INPP5B: variants seen among roughly 807,000 people sequenced by gnomAD.
INPP5B encodes inositol polyphosphate-5-phosphatase B.
In INPP5B, 90 loss-of-function variants were observed where a neutral mutation model predicts 118.5. The observed-to-expected ratio is 0.76, with a 90% CI of 0.64 to 0.90. The LOEUF (loss-of-function observed/expected upper bound fraction) is 0.90. Among genes scored for constraint, INPP5B ranks in the 40% least tolerant of loss-of-function variants. INPP5B has a pLI of 0.00. For synonymous variants in INPP5B, 385 were observed against 418.9 expected, an observed-to-expected ratio of 0.92 and a Z score of 0.99; for missense variants, 984 against 1,125.6, an observed-to-expected ratio of 0.87 and a Z score of 1.80.
chr1:37,905,526 T>C (rs1444497665), intron 7 of INPP5B, among the ~76,000 whole-genome samples: 1 of 152,264 alleles, frequency 6.6e-6, no homozygotes, highest in Non-Finnish European at 1.5e-5. Context: ...TTATGTAAAA[T>C]TGTTACATGC....
chr1:37,941,659 C>T (rs957527371), intron 5 of INPP5B, among the ~76,000 whole-genome samples: 7 of 150,556 alleles, frequency 4.6e-5, no homozygotes, highest in African/African-American at 1.7e-4. Flanking sequence ...AAATAAAGGG[C>T]CGGGCGCGGT....
chr1:37,936,209 C>T (rs1404790814), intron 6 of INPP5B, among the ~76,000 whole-genome samples: 1 of 152,210 alleles, frequency 6.6e-6, no homozygotes, highest in Non-Finnish European at 1.5e-5. Flanking sequence ...ACACCCTCCT[C>T]TTCCCCCAAG....
chr1:37,873,012 C>G lies in INPP5B; in HGVS notation c.2105G>C (p.Ser702Thr). The change falls in exon 19 of 24, where the codon AGC (serine) becomes ACC (threonine). Residue 702 changes from serine to threonine, a missense_variant. Physicochemically the swap from Ser to Thr is moderately conservative, Grantham distance 58. Coordinates refer to ENST00000373024, the MANE Select transcript of INPP5B (RefSeq NM_005540.3). ...FLSVSGNYLP[S>T]CFGSPIHTLC... ...TGTATGAATGGGAGACCCAAAACAG[C>G]TGGGCAGGTAGTTCCCAGACACAGA... 1.2e-6 allele frequency: 2 copies of G among 1,614,154 alleles called. No homozygotes were observed. Among genetic ancestry groups the G allele is most frequent in the Non-Finnish European group, 1.7e-6 (2 of 1,180,036 alleles).
chr1:37,940,869 G>T, intron 5 of INPP5B, 71 bp from the exon 6 acceptor site: 1 of 1,075,100 alleles, frequency 9.3e-7, no homozygotes, highest in Non-Finnish European at 1.4e-6. Flanking sequence ...CTAAGCCTGA[G>T]AATGGAGAAT....
intron 7 of INPP5B, among the ~76,000 whole-genome samples, chr1:37,893,977 G>A (rs1473383661): frequency 1.3e-5 from 2 of 152,160 alleles, no homozygotes; most frequent in African/African-American, 2.4e-5. Context: ...AATATCCTAG[G>A]CTTTGCAGGT....
In INPP5B at chr1:37,873,056, C is replaced by T. The variant is rs201145138; in HGVS notation, c.2061G>A (p.Arg687=). ...IEDILVLHLD[R]GKDYFLSVSG... Reference sequence around the variant, plus strand: ...ACACAGACAAAAAGTAATCCTTTCCCCTGTCCAAGTGCAGAACCAGAATGT... The same window carrying T: ...ACACAGACAAAAAGTAATCCTTTCCTCTGTCCAAGTGCAGAACCAGAATGT... The change falls in exon 19 of 24, where the codon AGG becomes AGA. Residue 687 remains arginine, a synonymous_variant. Coordinates refer to ENST00000373024, the MANE Select transcript of INPP5B (RefSeq NM_005540.3). 1.2e-6 allele frequency: 2 copies of T among 1,614,162 alleles called. No homozygotes were observed. Among genetic ancestry groups the T allele is most frequent in the African/African-American group, 1.3e-5 (1 of 75,042 alleles).
chr1:37,902,982 C>CAA (rs199834282), intron 7 of INPP5B, among the ~76,000 whole-genome samples: 6 of 135,324 alleles, frequency 4.4e-5, no homozygotes, highest in South Asian at 4.8e-4. Flanking sequence ...GACCCTGTCT[C>CAA]AAAAAAAAAA....
At chr1:37,931,675 G>A (rs1334102730) in intron 7 of INPP5B, 1 of 1,524,496 alleles carries the variant, frequency 6.6e-7, no homozygotes, top group South Asian at 1.2e-5. Flanking sequence ...CGCCGAACCT[G>A]CAGTGTTGCG....
intron 6 of INPP5B, among the ~76,000 whole-genome samples, chr1:37,934,576 A>G (rs563062894): frequency 1.3e-5 from 2 of 152,250 alleles, no homozygotes; most frequent in South Asian, 4.2e-4. Context: ...CCTCTAGTAA[A>G]ATGAAAGAGT....
rs1468341623 is a variant in INPP5B at position 37,867,988 on chromosome 1, T to A, written c.2301+513A>T. On this transcript the variant is annotated intron_variant, in intron 20 of 23. Coordinates refer to ENST00000373024, the MANE Select transcript of INPP5B (RefSeq NM_005540.3). Reference sequence around the variant, plus strand: ...AGGAACATGCTATGCTGTGCTGGGATGGGCTTCCTATGCAACGCTGCTTCC... The same window carrying A: ...AGGAACATGCTATGCTGTGCTGGGAAGGGCTTCCTATGCAACGCTGCTTCC... Among the ~76,000 whole-genome samples the A allele has an allele frequency of 3.9e-5, 6 of 152,286 alleles. No homozygotes were observed. In the East Asian group the frequency reaches 1.2e-3, roughly 29 times the overall value.
intron 7 of INPP5B, among the ~76,000 whole-genome samples, chr1:37,911,676 C>T (rs1431616633): frequency 5.3e-5 from 8 of 152,174 alleles, no homozygotes; most frequent in Non-Finnish European, 1.0e-4. Context: ...CTAAATATGC[C>T]TTCCATATCC....
chr1:37,919,804 G>C (rs750915885), intron 7 of INPP5B, among the ~76,000 whole-genome samples: 1 of 152,006 alleles, frequency 6.6e-6, no homozygotes, highest in Non-Finnish European at 1.5e-5. Flanking sequence ...TTAGCCAGGC[G>C]TGGTGGCAGG....
intron 5 of INPP5B, among the ~76,000 whole-genome samples, chr1:37,943,407 G>A (rs954416699): frequency 7.2e-5 from 11 of 152,128 alleles, no homozygotes; most frequent in Non-Finnish European, 1.3e-4. Context: ...GGAGAGGACA[G>A]CGTGTGCAGG....
chr1:37,897,714 A>G (rs1480317549), intron 7 of INPP5B, among the ~76,000 whole-genome samples: 5 of 151,956 alleles, frequency 3.3e-5, no homozygotes, highest in African/African-American at 9.7e-5. Context: ...TGCGAGAAAC[A>G]CCCAAGAATG....
Position 37,888,292 on chromosome 1 carries a change from G to A in INPP5B, c.850C>T (p.Arg284Trp), listed in dbSNP as rs746454046. ...VNGQSPKECL[R>W]LWLSNGIQAP... ...TGGATACCATTGCTCAGCCACAGCC[G>A]GAGGCATTCTTTGGGGGACTGCCCA... The change falls in exon 10 of 24, where the codon CGG (arginine) becomes TGG (tryptophan). Residue 284 changes from arginine (R) to tryptophan (W), a missense_variant. By Grantham distance (101) the Arg-to-Trp change is moderately radical. Around this residue, in one of 2 missense-constraint regions of INPP5B, gnomAD observed 634 missense variants for 791.0 expected, o/e 0.80. Transcript: ENST00000373024. The A allele has an allele frequency of 2.3e-5, 36 of 1,577,952 alleles. No homozygotes were observed. The East Asian group carries it at 4.5e-4, about 20-fold the overall frequency.
intron 6 of INPP5B, among the ~76,000 whole-genome samples, chr1:37,937,127 A>G (rs895083503): frequency 8.6e-5 from 13 of 151,848 alleles, no homozygotes; most frequent in African/African-American, 2.7e-4. Context: ...CCTGAACAAC[A>G]TGGTGAAACC....
At chr1:37,904,541 T>C (rs551608467) in intron 7 of INPP5B, among the ~76,000 whole-genome samples, 16 of 152,274 alleles carry the variant, frequency 1.1e-4, no homozygotes, top group African/African-American at 3.6e-4. Flanking sequence ...AAAAGTACAG[T>C]AAGTTTTTCT....
chr1:37,864,270 TCA>T (rs1641891531), intron 23 of INPP5B, 40 bp downstream of exon 23: 1 of 1,108,168 alleles, frequency 9.0e-7, no homozygotes. Flanking sequence ...TACGAGTCTC[TCA>T]GTTTGCAGAA....
chr1:37,926,605 T>C (rs920922960), intron 7 of INPP5B, among the ~76,000 whole-genome samples: 1 of 152,090 alleles, frequency 6.6e-6, no homozygotes, highest in Admixed American at 6.6e-5. Flanking sequence ...TCTAATCAAC[T>C]TTGGATTAAA....
Sources: gnomAD v4.1 joint callset for allele counts (sites outside exome capture counted in the v4.1 genomes callset) on GRCh38, gnomAD v4.1.1 for gene constraint, gnomAD v4.1.1 regional missense constraint, MANE v1.5 for transcripts, NCBI Gene and HGNC (gene_info 2026-07-23, HGNC 2026-07-21) for gene names.